The following DNAJA3 variants were observed in gnomAD, a reference collection of about 807,000 sequenced individuals.
DNAJA3 encodes the protein dnaJ homolog subfamily A member 3, mitochondrial.
A neutral mutation model predicts 54.9 loss-of-function variants in DNAJA3; 29 were observed. The observed-to-expected ratio is 0.53, with a 90% CI of 0.39 to 0.72. The LOEUF (loss-of-function observed/expected upper bound fraction) is 0.72, where lower values mean the gene tolerates loss of function less well. Ranked by LOEUF, DNAJA3 falls within the 30% of genes least tolerant of loss-of-function variation. DNAJA3 has a pLI of 0.00. For synonymous variants in DNAJA3, 302 were observed against 251.4 expected (o/e 1.20, Z -1.90); for missense variants, 708 against 639.4 (o/e 1.11, Z -1.16).
chr16:4,434,458 C>G lies in DNAJA3; in HGVS notation c.286C>G (p.Gln96Glu). ...CCCTTTGGCCAAAGAAGATTATTAT[C>G]AGATATTAGGAGTGCCTCGAAATGC... ...SAPLAKEDYY[Q>E]ILGVPRNASQ... is the part of the protein sequence containing the mutation. Residue 96 changes from glutamine (Q) to glutamate (E), a missense_variant, in exon 2 of 12, where the codon CAG (glutamine) becomes GAG (glutamate). Physicochemically the swap from Gln to Glu is conservative, Grantham distance 29. Transcript: ENST00000262375. 6.2e-7 allele frequency: 1 copy of G among 1,614,062 alleles called. No individual in the cohort carries two copies. The highest frequency in any genetic ancestry group is 8.5e-7 in the Non-Finnish European group (1 of 1,180,026).
chr16:4,440,751 G>C (rs1474757707), intron 3 of DNAJA3: 1 of 152,546 alleles, frequency 6.6e-6, no homozygotes, highest in Non-Finnish European at 1.5e-5. Context: ...TGGGAGGATC[G>C]CTTGAGGCCA....
At chr16:4,455,015 C>G in intron 11 of DNAJA3, 88 bp downstream of exon 11, 2 of 915,910 alleles carry the variant, frequency 2.2e-6, no homozygotes, top group Non-Finnish European at 3.4e-6. Context: ...TATTGTGCCC[C>G]CACCCCCAGG....
At chr16:4,450,792 G>A (rs1370413502) in intron 10 of DNAJA3, among the ~76,000 whole-genome samples, 1 of 152,198 alleles carries the variant, frequency 6.6e-6, no homozygotes, top group African/African-American at 2.4e-5. Flanking sequence ...TCTATTCTTG[G>A]TTCTGCCACT....
At chr16:4,434,990 G>A (rs1460623241) in intron 2 of DNAJA3, among the ~76,000 whole-genome samples, 1 of 146,740 alleles carries the variant, frequency 6.8e-6, no homozygotes, top group Non-Finnish European at 1.5e-5. Flanking sequence ...TCTGCCTCCT[G>A]GGTTCAAGCA....
Position 4,441,446 on chromosome 16 carries a change from C to T in DNAJA3, c.501C>T (p.Ser167=), listed in dbSNP as rs778841340. The change falls in exon 4 of 12, where the codon AGC becomes AGT. Residue 167 remains serine, a synonymous_variant. Coordinates refer to ENST00000262375, the MANE Select transcript of DNAJA3 (RefSeq NM_005147.6). The stretch of plus-strand genomic sequence containing the variant: ...CTGCAGGCTTCGATCCTGGGGCCAG[C>T]GGCTCCCAGCATAGCTACTGGAAGG... ...YGSAGFDPGA[S]GSQHSYWKGG... The T allele has an allele frequency of 8.4e-5, 135 of 1,614,112 alleles. No individual in the cohort carries two copies. Among genetic ancestry groups the T allele is most frequent in the Admixed American group, 2.0e-4 (12 of 60,022 alleles).
chr16:4,434,432 C>A lies in DNAJA3; in HGVS notation c.260C>A (p.Ala87Asp). 1.2e-6 allele frequency: 2 copies of A among 1,613,880 alleles called. No homozygotes were observed. The highest frequency in any genetic ancestry group is 1.7e-6 in the Non-Finnish European group (2 of 1,179,986). Residue 87 changes from alanine to aspartate, a missense_variant, in exon 2 of 12, where the codon GCC becomes GAC. Transcript: ENST00000262375. Reference sequence around the variant, plus strand: ...TGTACTGCCTCCTTCCACACGAGTGCCCCTTTGGCCAAAGAAGATTATTAT... The same window carrying A: ...TGTACTGCCTCCTTCCACACGAGTGACCCTTTGGCCAAAGAAGATTATTAT... ...FICTASFHTS[A>D]PLAKEDYYQI...
Position 4,442,307 on chromosome 16 carries a change from G to C in DNAJA3, c.670G>C (p.Val224Leu). ...GACATTCAATCAAGCTGCAAAGGGG[G>C]TCAACAAGGAGTTCACCGTGAACAT... Reference protein sequence around the residue: ...ELTFNQAAKGVNKEFTVNIMD... With the variant: ...ELTFNQAAKGLNKEFTVNIMD... Residue 224 changes from valine (V) to leucine (L), a missense_variant, in exon 5 of 12, where the codon GTC becomes CTC. Val to Leu is a conservative substitution (Grantham distance 32). Transcript: ENST00000262375. 6.2e-7 allele frequency: 1 copy of C among 1,604,892 alleles called. No individual in the cohort carries two copies. The highest frequency in any genetic ancestry group is 8.5e-7 in the Non-Finnish European group (1 of 1,175,186).
At chr16:4,450,554 A>G in intron 10 of DNAJA3, 57 bp downstream of exon 10, 1 of 1,360,974 alleles carries the variant, frequency 7.3e-7, no homozygotes, top group South Asian at 1.3e-5. Flanking sequence ...CCCCCAGGGT[A>G]TGGACAATTC....
At chr16:4,438,337 G>T (rs2056797528) in intron 3 of DNAJA3, among the ~76,000 whole-genome samples, 2 of 151,918 alleles carry the variant, frequency 1.3e-5, no homozygotes, top group Admixed American at 1.3e-4. Flanking sequence ...AAAAGAACAG[G>T]ATCCAATAAT....
At chr16:4,431,626 G>A (rs1461348393) in intron 1 of DNAJA3, 1 of 151,812 alleles carries the variant, frequency 6.6e-6, no homozygotes, top group Non-Finnish European at 1.5e-5. Flanking sequence ...CGCCCAGGCT[G>A]GAGTGCAATG....
At chr16:4,444,771 T>C (rs2056883067) in intron 7 of DNAJA3, 43 bp downstream of exon 7, 1 of 1,568,694 alleles carries the variant, frequency 6.4e-7, no homozygotes, top group Admixed American at 1.7e-5. Flanking sequence ...GCCTTTCCTC[T>C]CTTCGGGTGG....
intron 6 of DNAJA3, 116 bp from the exon 7 acceptor site, chr16:4,444,548 A>G (rs12446640): frequency 0.67 from 522,984 of 783,372 alleles, 178,955 homozygotes; most frequent in Non-Finnish European, 0.72. Flanking sequence ...GTTGGCCAGG[A>G]TGGTCTCGAT....
intron 9 of DNAJA3, among the ~76,000 whole-genome samples, chr16:4,449,263 TG>T (rs1395985756): frequency 6.6e-6 from 1 of 152,224 alleles, no homozygotes; most frequent in African/African-American, 2.4e-5. Flanking sequence ...CCCAAAGTGT[TG>T]GGATTACAGG....
intron 8 of DNAJA3, among the ~76,000 whole-genome samples, chr16:4,448,397 G>A (rs540518960): frequency 6.6e-6 from 1 of 152,100 alleles, no homozygotes; most frequent in Admixed American, 6.5e-5. Context: ...GAGCTGGAGT[G>A]CAATGGCACA....
At chr16:4,427,501 A>G (rs923170347) in intron 1 of DNAJA3, 2 of 152,172 alleles carry the variant, frequency 1.3e-5, no homozygotes, top group African/African-American at 4.8e-5. Context: ...GAACTTCCCC[A>G]GCGTCTGTGA....
chr16:4,428,756 G>C (rs1379138988), intron 1 of DNAJA3, among the ~76,000 whole-genome samples: 1 of 152,156 alleles, frequency 6.6e-6, no homozygotes. Context: ...GTCATCAACT[G>C]GTTGGGCGGG....
intron 1 of DNAJA3, 98 bp downstream of exon 1, chr16:4,426,190 G>A (rs1469644956): frequency 3.1e-6 from 4 of 1,275,772 alleles, no homozygotes; most frequent in African/African-American, 1.6e-5. Flanking sequence ...TGGGGTGGAG[G>A]GTGTCTTCCG....
chr16:4,434,893 T>TTC (rs2056754727), intron 2 of DNAJA3, among the ~76,000 whole-genome samples: 1 of 20,368 alleles, frequency 4.9e-5, no homozygotes, highest in Non-Finnish European at 2.0e-4. Context: ...TTTCTTTTTT[T>TTC]TTTTTTTTTT....
chr16:4,450,300 T>A lies in DNAJA3; in HGVS notation c.1242-100T>A, dbSNP rs1029580925. The A allele has an allele frequency of 2.2e-5, 20 of 923,960 alleles. No individual in the cohort carries two copies. The Middle Eastern group carries it at 9.7e-4, about 45-fold the overall frequency. The allele number at this position is 923,960 out of a possible 1,614,324, so 57.2% of individuals were successfully genotyped here. On this transcript the variant is annotated intron_variant, in intron 9 of 11. Coordinates refer to ENST00000262375, the MANE Select transcript of DNAJA3 (RefSeq NM_005147.6). ...GGTGTCCGCCCCTGCCAAGGTTGGG[T>A]CCCTCTCTTCCCATGTGCTGCGAGG...
Sources: allele counts gnomAD v4.1 joint callset (sites outside exome capture counted in the v4.1 genomes callset), GRCh38; gene constraint gnomAD v4.1.1; transcripts MANE v1.5; gene names NCBI Gene and HGNC (gene_info 2026-07-23, HGNC 2026-07-21).